Variants in PRDX5 observed in about 807,000 individuals in gnomAD.
PRDX5 encodes the protein peroxiredoxin 5.
PRDX5 carries 21 observed loss-of-function variants against 23.8 expected under a neutral mutation model. That is an observed-to-expected ratio of 0.88 (90% CI 0.63 to 1.27). The LOEUF (loss-of-function observed/expected upper bound fraction) is 1.27, where lower values mean the gene tolerates loss of function less well. Among genes scored for constraint, PRDX5 ranks in the 50% most tolerant of loss-of-function variants. The pLI is 0.00. For synonymous variants in PRDX5, 111 were observed against 113.3 expected, an observed-to-expected ratio of 0.98 and a Z score of 0.13; for missense variants, 261 against 270.6, an observed-to-expected ratio of 0.96 and a Z score of 0.25.
chr11:64,319,959 G>T, intron 2 of PRDX5, 91 bp downstream of exon 2: 1 of 1,493,290 alleles, frequency 6.7e-7, no homozygotes, highest in South Asian at 1.3e-5. Flanking sequence ...CTCCTAAAAA[G>T]CATTTCAGTG....
intron 2 of PRDX5, 62 bp from the exon 3 acceptor site, chr11:64,320,599 A>C: frequency 2.0e-6 from 3 of 1,536,082 alleles, no homozygotes; most frequent in Non-Finnish European, 2.6e-6. Context: ...CCTGGAGATA[A>C]AGGGTGGGCT....
chr11:64,320,735 T>C lies in PRDX5; in HGVS notation c.381T>C (p.Ser127=). Residue 127 remains serine, a synonymous_variant, in exon 3 of 6, where the codon AGT becomes AGC. Transcript: ENST00000265462. ...AKGVQVVACL[S]VNDAFVTGEW... ...GAGTCCAGGTGGTGGCCTGTCTGAG[T>C]GTTAATGATGCCTTTGTGACTGGCG... 1 of 1,613,822 alleles carries C rather than the reference T, an allele frequency of 6.2e-7. No individual in the cohort carries two copies. Among genetic ancestry groups the C allele is most frequent in the Non-Finnish European group, 8.5e-7 (1 of 1,179,894 alleles).
rs771579508 is a variant in PRDX5 at position 64,318,166 on chromosome 11, C to T, written c.-50C>T. The T allele has an allele frequency of 9.3e-6, 15 of 1,606,376 alleles. No individual in the cohort carries two copies. Among genetic ancestry groups the T allele is most frequent in the African/African-American group, 1.3e-5 (1 of 74,804 alleles). On this transcript the variant is annotated 5_prime_UTR_variant, in exon 1 of 6. Transcript: ENST00000265462. Reference sequence around the variant, plus strand: ...TGTGCCGCTAGCGGTGCCCCGCCTGCTGCGGTGGCACCAGCCAGGAGGCGG... The same window carrying T: ...TGTGCCGCTAGCGGTGCCCCGCCTGTTGCGGTGGCACCAGCCAGGAGGCGG...
At chr11:64,320,022 GT>G (rs1308292723) in intron 2 of PRDX5, among the ~76,000 whole-genome samples, 154 bp downstream of exon 2, 2 of 152,236 alleles carry the variant, frequency 1.3e-5, no homozygotes, top group African/African-American at 4.8e-5. Context: ...GCTCACGCCT[GT>G]AATCCCAGCA....
At chr11:64,318,442 G>A in intron 1 of PRDX5, 56 bp downstream of exon 1, 1 of 1,539,922 alleles carries the variant, frequency 6.5e-7, no homozygotes, top group South Asian at 1.2e-5. Context: ...GGCAATCCCC[G>A]TCCCGCTAGT....
chr11:64,320,703 G>T lies in PRDX5; in HGVS notation c.349G>T (p.Ala117Ser), dbSNP rs149933352. Residue 117 changes from alanine to serine, a missense_variant, in exon 3 of 6, where the codon GCC (alanine) becomes TCC (serine). Transcript: ENST00000265462. ...GFVEQAEALK[A>S]KGVQVVACLS... ...TGTGGAGCAGGCTGAGGCTCTGAAG[G>T]CCAAGGGAGTCCAGGTGGTGGCCTG... 1.9e-6 allele frequency: 3 copies of T among 1,613,132 alleles called. No individual in the cohort carries two copies. Among genetic ancestry groups the T allele is most frequent in the African/African-American group, 2.7e-5 (2 of 74,930 alleles).
chr11:64,320,327 A>G (rs2035459691), intron 2 of PRDX5, among the ~76,000 whole-genome samples: 1 of 152,120 alleles, frequency 6.6e-6, no homozygotes, highest in Non-Finnish European at 1.5e-5. Context: ...CAAAAAGGGA[A>G]CAGTACCAGG....
chr11:64,321,493 G>A, intron 5 of PRDX5, 93 bp from the exon 6 acceptor site: 2 of 1,546,810 alleles, frequency 1.3e-6, no homozygotes, highest in Non-Finnish European at 1.7e-6. Flanking sequence ...CCTCTCTGGA[G>A]TTCTCTTGGG....
Position 64,318,360 on chromosome 11 carries a change from G to A in PRDX5, c.145G>A (p.Ala49Thr). The change falls in exon 1 of 6, where the codon GCC (alanine) becomes ACC (threonine). Residue 49 changes from alanine (A) to threonine (T), a missense_variant. By Grantham distance (58) the Ala-to-Thr change is moderately conservative. Transcript: ENST00000265462. ...TGGCGGGGTCCGCAGTTTCAGCAGA[G>A]CCGCTGCAGCCATGGCCCCAATCAA... ...ASGGVRSFSR[A>T]AAAMAPIKVG... 6.2e-7 allele frequency: 1 copy of A among 1,610,096 alleles called. No homozygotes were observed. The highest frequency in any genetic ancestry group is 8.5e-7 in the Non-Finnish European group (1 of 1,178,826).
In PRDX5 at chr11:64,319,711, TAC is replaced by T. The variant is rs779337696; in HGVS notation, c.172-22_172-21del. 3.1e-6 allele frequency: 5 copies of T among 1,608,804 alleles called. No individual in the cohort carries two copies. In the Admixed American group the frequency reaches 8.5e-5, roughly 27 times the overall value. On this transcript the variant is annotated intron_variant, in intron 1 of 5. Coordinates refer to ENST00000265462, the MANE Select transcript of PRDX5 (RefSeq NM_012094.5). ...TTTGCCCCGGCTCCCTCACCCCCCT[TAC>T]CCTGGAGTCCTTCCTTCTAGGTGGG...
Position 64,321,751 on chromosome 11 carries a change from G to A in PRDX5, c.*60G>A. On this transcript the variant is annotated 3_prime_UTR_variant, in exon 6 of 6. Coordinates refer to ENST00000265462, the MANE Select transcript of PRDX5 (RefSeq NM_012094.5). ...TATCTCACCTGCCCAGCCCTGTGCT[G>A]GGGCCCTGCAATTGGAATGTTGGCC... 1.3e-6 allele frequency: 2 copies of A among 1,484,980 alleles called. No homozygotes were observed. The highest frequency in any genetic ancestry group is 1.8e-6 in the Non-Finnish European group (2 of 1,111,886). The allele number at this position is 1,484,980 out of a possible 1,614,324, so 92.0% of individuals were successfully genotyped here.
intron 4 of PRDX5, 33 bp from the exon 5 acceptor site, chr11:64,320,974 G>A (rs2035480175): frequency 6.2e-7 from 1 of 1,614,074 alleles, no homozygotes; most frequent in Non-Finnish European, 8.5e-7. Flanking sequence ...GCCTCTTCAA[G>A]GATTTCTGAC....
Position 64,318,213 on chromosome 11 carries a change from G to C in PRDX5, c.-3G>C. 2 of 1,611,484 alleles carry C rather than the reference G, an allele frequency of 1.2e-6. No individual in the cohort carries two copies. The highest frequency in any genetic ancestry group is 1.7e-6 in the Non-Finnish European group (2 of 1,179,702). ...GCGGAGTGGAAGTGGCCGTGGGGCG[G>C]GTATGGGACTAGCTGGCGTGTGCGC... is the stretch of plus-strand genomic sequence containing the variant. On this transcript the variant is annotated 5_prime_UTR_variant, in exon 1 of 6. Transcript: ENST00000265462.
In PRDX5 at chr11:64,320,687, G is replaced by A. The variant is rs1450265526; in HGVS notation, c.333G>A (p.Gln111=). ...CACACCTGCCAGGGTTTGTGGAGCA[G>A]GCTGAGGCTCTGAAGGCCAAGGGAG... ...SKTHLPGFVE[Q]AEALKAKGVQ... The change falls in exon 3 of 6, where the codon CAG becomes CAA. Residue 111 remains glutamine, a synonymous_variant. Coordinates refer to ENST00000265462, the MANE Select transcript of PRDX5 (RefSeq NM_012094.5). 6 of 1,609,692 alleles carry A rather than the reference G, an allele frequency of 3.7e-6. No individual in the cohort carries two copies. In the South Asian group the frequency reaches 5.5e-5, roughly 15 times the overall value.
intron 2 of PRDX5, among the ~76,000 whole-genome samples, 191 bp from the exon 3 acceptor site, chr11:64,320,470 A>G (rs2035464440): frequency 6.6e-6 from 1 of 152,192 alleles, no homozygotes; most frequent in South Asian, 2.1e-4. Flanking sequence ...TCACGTCTGG[A>G]CCATAAGGCA....
chr11:64,319,960 C>T (rs2035446781), intron 2 of PRDX5, 92 bp downstream of exon 2: 2 of 1,490,952 alleles, frequency 1.3e-6, no homozygotes, highest in Admixed American at 2.1e-5. Flanking sequence ...TCCTAAAAAG[C>T]ATTTCAGTGC....
Position 64,321,637 on chromosome 11 carries a change from A to G in PRDX5, c.591A>G (p.Pro197=). The part of the protein sequence containing the change: ...DGIVKALNVE[P]DGTGLTCSLA... ...TAGTGAAGGCCCTGAATGTGGAACC[A>G]GATGGCACAGGCCTCACCTGCAGCC... The change falls in exon 6 of 6, where the codon CCA becomes CCG. Residue 197 remains proline, a synonymous_variant. Transcript: ENST00000265462. The G allele has an allele frequency of 6.2e-7, 1 of 1,612,204 alleles. No individual in the cohort carries two copies. Among genetic ancestry groups the G allele is most frequent in the Non-Finnish European group, 8.5e-7 (1 of 1,179,328 alleles).
In PRDX5 at chr11:64,321,713, C is replaced by T; in HGVS notation, c.*22C>T. ...CTGAGGCCCTGGGCCAGATTACTTC[C>T]TCCACCCCTCCCTATCTCACCTGCC... is the stretch of plus-strand genomic sequence containing the variant. On this transcript the variant is annotated 3_prime_UTR_variant, in exon 6 of 6. Transcript: ENST00000265462. The T allele has an allele frequency of 6.5e-7, 1 of 1,546,946 alleles. No individual in the cohort carries two copies. Among genetic ancestry groups the T allele is most frequent in the Non-Finnish European group, 8.7e-7 (1 of 1,144,288 alleles).
At chr11:64,321,370 T>TGGGGAGAGAGTCCTGTGTG (rs2035495695) in intron 5 of PRDX5, among the ~76,000 whole-genome samples, 1 of 144,508 alleles carries the variant, frequency 6.9e-6, no homozygotes, top group South Asian at 2.2e-4. Flanking sequence ...GAGAGTCCTC[T>TGGGGAGAGAGTCCTGTGTG]GGGGAGAGAG....
Sources: allele counts gnomAD v4.1 joint callset (sites outside exome capture counted in the v4.1 genomes callset), GRCh38; gene constraint gnomAD v4.1.1; transcripts MANE v1.5; gene names NCBI Gene and HGNC (gene_info 2026-07-23, HGNC 2026-07-21).